The following EYS variants were observed in gnomAD, a reference collection of about 807,000 sequenced individuals.
The protein encoded by EYS is protein eyes shut homolog.
Under a neutral mutation model 282.1 loss-of-function variants are expected in EYS, and 250 were observed. The observed-to-expected ratio is 0.89, with a 90% CI of 0.80 to 0.98. The LOEUF (loss-of-function observed/expected upper bound fraction) is 0.98, where lower values mean the gene tolerates loss of function less well. EYS is among the 50% of genes least tolerant of loss of function. The pLI, the probability that EYS is intolerant of heterozygous loss-of-function variation, is 0.00. For missense variants in EYS, 4,016 were observed against 3,709.0 expected (o/e 1.08, Z -2.15); for synonymous variants, 1,355 against 1,282.9 (o/e 1.06, Z -1.20).
intron 41 of EYS, among the ~76,000 whole-genome samples, chr6:63,753,750 A>C (rs1769406076): frequency 6.6e-6 from 1 of 152,220 alleles, no homozygotes; most frequent in African/African-American, 2.4e-5. Flanking sequence ...ACAGAGAGCT[A>C]AACCATATCA....
In EYS at chr6:65,496,002, CGTAG is replaced by C. The variant is rs2127272674; in HGVS notation, c.-332-13_-332-10del. 6.5e-6 allele frequency: 1 copy of C among 153,066 alleles called. No homozygotes were observed. The highest frequency in any genetic ancestry group is 2.0e-4 in the South Asian group (1 of 4,908). 9.5% of individuals were successfully genotyped at this position (153,066 alleles called of 1,614,324 possible). On this transcript the variant is annotated splice_polypyrimidine_tract_variant and intron_variant, in intron 2 of 42. Coordinates refer to ENST00000503581, the MANE Select transcript of EYS (RefSeq NM_001142800.2). ...TAGTTTTCAAAAAACACCTTTAAAACGTAGAAGAGTAAACACCATTTAAACATAT... is the reference window on the plus strand; with the variant it reads ...TAGTTTTCAAAAAACACCTTTAAAACAAGAGTAAACACCATTTAAACATAT...
chr6:64,334,149 C>A (rs1770751252), intron 29 of EYS, among the ~76,000 whole-genome samples: 1 of 152,184 alleles, frequency 6.6e-6, no homozygotes, highest in African/African-American at 2.4e-5. Flanking sequence ...CTGTGTCAGA[C>A]TGTAATCCTT....
intron 26 of EYS, among the ~76,000 whole-genome samples, chr6:64,562,203 A>G (rs1002441780): frequency 6.6e-6 from 1 of 151,666 alleles, no homozygotes; most frequent in Non-Finnish European, 1.5e-5. Context: ...GCTCTTCTTC[A>G]CTTTTGACAT....
rs1705369976 is a variant in EYS, at chr6:63,762,528, G to A, written c.8004C>T (p.Cys2668=). 6.4e-7 allele frequency: 1 copy of A among 1,550,440 alleles called. No individual in the cohort carries two copies. The highest frequency in any genetic ancestry group is 8.7e-7 in the Non-Finnish European group (1 of 1,146,106). Residue 2668 remains cysteine (C), a synonymous_variant, in exon 41 of 43, where the codon TGC becomes TGT. Transcript: ENST00000503581. ...AGGTGTATCCATGAGGTAATGAAAT[G>A]CAGGTTGCTCCTCTGCTACAGTGGT... ...PPHHCSRGAT[C]ISLPHGYTCF...
intron 12 of EYS, among the ~76,000 whole-genome samples, chr6:65,120,234 A>G (rs1355560562): frequency 6.6e-6 from 1 of 151,606 alleles, no homozygotes; most frequent in Non-Finnish European, 1.5e-5. Context: ...AAAACAAGCA[A>G]GGAAACAAAC....
intron 5 of EYS, among the ~76,000 whole-genome samples, chr6:65,438,191 C>T (rs1441439261): frequency 6.6e-6 from 1 of 151,542 alleles, no homozygotes; most frequent in Non-Finnish European, 1.5e-5. Context: ...TGAACTCATC[C>T]TTTCTTATGG....
At chr6:65,275,120 A>G (rs917269923) in intron 12 of EYS, among the ~76,000 whole-genome samples, 2 of 152,118 alleles carry the variant, frequency 1.3e-5, no homozygotes, top group African/African-American at 4.8e-5. Context: ...AGTAGATCCA[A>G]TGGTGCTCAA....
At chr6:65,284,192 C>A (rs935557777) in intron 12 of EYS, among the ~76,000 whole-genome samples, 2 of 152,110 alleles carry the variant, frequency 1.3e-5, no homozygotes, top group African/African-American at 4.8e-5. Context: ...TAGCCACAAA[C>A]TTTGGGGAAG....
chr6:63,963,127 G>A lies in EYS; in HGVS notation c.7055+21256C>T, dbSNP rs1336669754. Among the ~76,000 whole-genome samples, 9 of 144,964 alleles carry A rather than the reference G, an allele frequency of 6.2e-5. No homozygotes were observed. The South Asian group carries it at 1.8e-3, about 29-fold the overall frequency. On this transcript the variant is annotated intron_variant, in intron 35 of 42. Transcript: ENST00000503581. ...CCTGTTGTGGGGTGGGGGGAAGGGG[G>A]AGGCGGGAGGGAGGAAGGATAGCAT...
chr6:64,859,584 A>G (rs1294080406), intron 19 of EYS, among the ~76,000 whole-genome samples: 2 of 152,146 alleles, frequency 1.3e-5, no homozygotes, highest in Non-Finnish European at 2.9e-5. Context: ...TGCTCTCATT[A>G]TACTGAATAA....
chr6:64,260,867 A>G (rs2150352889), intron 30 of EYS, among the ~76,000 whole-genome samples: 1 of 151,886 alleles, frequency 6.6e-6, no homozygotes, highest in East Asian at 1.9e-4. Flanking sequence ...CAATTTGTAT[A>G]TCTTTTTTTA....
intron 31 of EYS, among the ~76,000 whole-genome samples, chr6:64,138,312 C>A (rs143199683): frequency 2.0e-5 from 3 of 151,790 alleles, no homozygotes; most frequent in Non-Finnish European, 2.9e-5. Flanking sequence ...TTTATGAAGA[C>A]GGAAAAATCT....
chr6:64,658,577 G>A (rs924474208), intron 22 of EYS, among the ~76,000 whole-genome samples: 2 of 152,212 alleles, frequency 1.3e-5, no homozygotes, highest in Non-Finnish European at 2.9e-5. Context: ...CTAACAGTCA[G>A]GACCCTCAGC....
intron 35 of EYS, among the ~76,000 whole-genome samples, chr6:63,965,202 ACTTTGTGT>A (rs1562120833): frequency 2.0e-5 from 3 of 152,278 alleles, no homozygotes; most frequent in Middle Eastern, 3.4e-3. Context: ...TAGAATTCTT[ACTTTGTGT>A]AAGATCGATA....
At chr6:65,400,073 T>C (rs747766375) in intron 7 of EYS, among the ~76,000 whole-genome samples, 3 of 152,086 alleles carry the variant, frequency 2.0e-5, no homozygotes, top group Non-Finnish European at 2.9e-5. Flanking sequence ...GTGCCAAATA[T>C]ACCTTGAAAA....
At chr6:64,131,576 AT>A (rs2150282044) in intron 31 of EYS, among the ~76,000 whole-genome samples, 1 of 152,228 alleles carries the variant, frequency 6.6e-6, no homozygotes, top group African/African-American at 2.4e-5. Flanking sequence ...GTGTGTGTTT[AT>A]AAAAGCAGGA....
chr6:65,120,161 A>C (rs1197617904), intron 12 of EYS, among the ~76,000 whole-genome samples: 5 of 146,794 alleles, frequency 3.4e-5, no homozygotes, highest in Admixed American at 6.7e-5. Flanking sequence ...CAAAAAAAAA[A>C]AAAAACAAAA....
At chr6:65,562,457 G>A (rs1236725334) in intron 2 of EYS, among the ~76,000 whole-genome samples, 1 of 151,922 alleles carries the variant, frequency 6.6e-6, no homozygotes, top group East Asian at 1.9e-4. Flanking sequence ...TGGAAAGAAT[G>A]AAAGGACAGA....
intron 40 of EYS, among the ~76,000 whole-genome samples, chr6:63,767,971 G>C (rs1034092591): frequency 1.3e-5 from 2 of 152,040 alleles, no homozygotes; most frequent in Admixed American, 6.6e-5. Context: ...ACAAGCACTG[G>C]GGAAAGGGCT....
Sources: allele counts gnomAD v4.1 joint callset (sites outside exome capture counted in the v4.1 genomes callset), GRCh38; gene constraint gnomAD v4.1.1; transcripts MANE v1.5; gene names NCBI Gene and HGNC (gene_info 2026-07-23, HGNC 2026-07-21).